CCND2: variants seen among roughly 807,000 people sequenced by gnomAD.
The protein encoded by CCND2 is cyclin D2, also known as G1/S-specific cyclin-D2.
A neutral mutation model predicts 30.2 loss-of-function variants in CCND2; 6 were observed. The ratio of observed to expected loss-of-function variants is 0.20; its 90% CI spans 0.11 to 0.39. CCND2 has a LOEUF of 0.39. Ranked by LOEUF, CCND2 falls within the 10% of genes least tolerant of loss-of-function variation. CCND2 has a pLI of 1.00. For missense variants in CCND2, 235 were observed against 373.4 expected, an observed-to-expected ratio of 0.63 and a Z score of 3.06; for synonymous variants, 150 against 153.1, an observed-to-expected ratio of 0.98 and a Z score of 0.15.
At position 4,274,069 on chromosome 12, in the gene CCND2, C is replaced by T. The variant is rs200897111; in HGVS notation, c.29C>T (p.Pro10Leu). ...GAGCTGCTGTGCCACGAGGTGGACCCGGTCCGCAGGGCCGTGCGGGACCGC... is the reference window on the plus strand; with the variant it reads ...GAGCTGCTGTGCCACGAGGTGGACCTGGTCCGCAGGGCCGTGCGGGACCGC... Reference protein sequence around the residue: MELLCHEVDPVRRAVRDRNL... With the variant: MELLCHEVDLVRRAVRDRNL... Residue 10 changes from proline to leucine, a missense_variant, in exon 1 of 5, where the codon CCG (proline) becomes CTG (leucine). Physicochemically the swap from Pro to Leu is moderately conservative, Grantham distance 98. Coordinates refer to ENST00000261254, the MANE Select transcript of CCND2 (RefSeq NM_001759.4). This position sits in a 1 kb window ranked among gnomAD's most constrained non-coding sequence, Gnocchi z 7.7. 20 of 1,612,692 alleles carry T rather than the reference C, an allele frequency of 1.2e-5. No individual in the cohort carries two copies. In the Admixed American group the frequency reaches 2.0e-4, roughly 16 times the overall value.
chr12:4,297,045 G>A (rs910726238), intron 4 of CCND2, among the ~76,000 whole-genome samples: 3 of 152,152 alleles, frequency 2.0e-5, no homozygotes, highest in African/African-American at 7.2e-5. Flanking sequence ...CTCAAGTGGA[G>A]AAAGGGCTGT....
Position 4,301,265 on chromosome 12 carries a change from C to T in CCND2, c.*1256C>T, listed in dbSNP as rs551992768. 1.1e-4 allele frequency: 25 copies of T among 233,550 alleles called. No individual in the cohort carries two copies. In the South Asian group the frequency reaches 3.8e-3, roughly 35 times the overall value. 14.5% of individuals were successfully genotyped at this position (233,550 alleles called of 1,614,324 possible). The stretch of plus-strand genomic sequence containing the variant: ...AAGGATCTTAATTCCCATCTCTATA[C>T]TTCTCCTTTGGACATGGAAAGAAAA... On this transcript the variant is annotated 3_prime_UTR_variant, in exon 5 of 5. Transcript: ENST00000261254.
At chr12:4,290,142 G>C (rs1219007504) in intron 4 of CCND2, among the ~76,000 whole-genome samples, 2 of 152,192 alleles carry the variant, frequency 1.3e-5, no homozygotes, top group African/African-American at 4.8e-5. Context: ...CGAGGGATAC[G>C]GGACAGGTTA....
In CCND2 at chr12:4,300,145, T is replaced by C. The variant is rs1864228665; in HGVS notation, c.*136T>C. On this transcript the variant is annotated 3_prime_UTR_variant, in exon 5 of 5. Transcript: ENST00000261254. ...CCCCCACCTAGATCATATTTAAAGATCTTTTAGAAGTGAGAGAAAAAGGTC... is the reference window on the plus strand; with the variant it reads ...CCCCCACCTAGATCATATTTAAAGACCTTTTAGAAGTGAGAGAAAAAGGTC... The C allele has an allele frequency of 2.3e-6, 2 of 883,476 alleles. No homozygotes were observed. The highest frequency in any genetic ancestry group is 3.4e-5 in the African/African-American group (2 of 59,472). The allele number at this position is 883,476 out of a possible 1,614,324, so 54.7% of individuals were successfully genotyped here.
chr12:4,301,352 C>CA lies in CCND2; in HGVS notation c.*1343_*1344insA, dbSNP rs1864245578. The stretch of plus-strand genomic sequence containing the variant: ...GGGTGTGGCATTTTGTTCCCTTTTC[C>CA]GTTTTTTTTTTTTTATTGTTGTTGT... On this transcript the variant is annotated 3_prime_UTR_variant, in exon 5 of 5. Transcript: ENST00000261254. The CA allele has an allele frequency of 1.0e-5, 1 of 99,184 alleles. No individual in the cohort carries two copies. The highest frequency in any genetic ancestry group is 1.9e-5 in the Non-Finnish European group (1 of 53,574). 6.1% of individuals were successfully genotyped at this position (99,184 alleles called of 1,614,324 possible). A position where few individuals can be genotyped will look rare whatever the true frequency, so the allele number is the denominator to read the frequency against.
At chr12:4,286,366 G>A (rs1333738975) in intron 3 of CCND2, among the ~76,000 whole-genome samples, 1 of 152,232 alleles carries the variant, frequency 6.6e-6, no homozygotes, top group African/African-American at 2.4e-5. Context: ...GAAAGAGGAA[G>A]TGACTTGCCC....
At chr12:4,275,491 T>G (rs1401095975) in intron 1 of CCND2, 3 of 51,380 alleles carry the variant, frequency 5.8e-5, no homozygotes, top group African/African-American at 1.6e-4. Context: ...CCACCTCTCC[T>G]CACCCGCCCC....
At chr12:4,298,217 T>TA in intron 4 of CCND2, among the ~76,000 whole-genome samples, 1 of 152,344 alleles carries the variant, frequency 6.6e-6, no homozygotes, top group South Asian at 2.1e-4. Context: ...GGGCAGCAGA[T>TA]ACCACCCTTC....
At chr12:4,297,563 T>G (rs1864188316) in intron 4 of CCND2, among the ~76,000 whole-genome samples, 1 of 108,404 alleles carries the variant, frequency 9.2e-6, no homozygotes, top group African/African-American at 3.6e-5. Flanking sequence ...AGAGCAACAC[T>G]CTGTCTCAAA....
chr12:4,297,865 C>CCA (rs771279366), intron 4 of CCND2: 1 of 452,850 alleles, frequency 2.2e-6, no homozygotes, highest in South Asian at 1.6e-5. Flanking sequence ...TCCATTTCAG[C>CCA]CTCGTTCAGG....
At chr12:4,286,179 AC>A (rs1463349016) in intron 3 of CCND2, among the ~76,000 whole-genome samples, 3 of 152,232 alleles carry the variant, frequency 2.0e-5, no homozygotes, top group Non-Finnish European at 4.4e-5. Flanking sequence ...TTAACGACAT[AC>A]GGTGAGCCTG....
chr12:4,277,384 G>T (rs999050704), intron 2 of CCND2, among the ~76,000 whole-genome samples: 45 of 152,164 alleles, frequency 3.0e-4, no homozygotes, highest in Admixed American at 2.8e-3. Context: ...AGTTTATTGG[G>T]GTGCTTTACC....
chr12:4,296,148 C>T (rs190515913), intron 4 of CCND2, among the ~76,000 whole-genome samples: 16 of 152,356 alleles, frequency 1.1e-4, no homozygotes, highest in Admixed American at 5.2e-4. Flanking sequence ...CGAGTTCTTT[C>T]GCTTTCTGGA....
rs1253116106 is a variant in CCND2, at chr12:4,282,985, C to T, written c.571+4066C>T. 2.0e-5 allele frequency among the ~76,000 whole-genome samples: 3 copies of T among 152,192 alleles called. No homozygotes were observed. The highest frequency in any genetic ancestry group is 2.9e-5 in the Non-Finnish European group (2 of 68,020). On this transcript the variant is annotated intron_variant, in intron 3 of 4. Coordinates refer to ENST00000261254, the MANE Select transcript of CCND2 (RefSeq NM_001759.4). The surrounding 1 kb of genome is among the most constrained non-coding windows in gnomAD (Gnocchi z 4.3). ...CCCTTTCTTCTTCAGCGTCAGAGTGCGTATCTCTCTCCCCCTATTGGTGAA... is the reference window on the plus strand; with the variant it reads ...CCCTTTCTTCTTCAGCGTCAGAGTGTGTATCTCTCTCCCCCTATTGGTGAA...
At chr12:4,296,857 A>C (rs747377074) in intron 4 of CCND2, among the ~76,000 whole-genome samples, 4 of 152,224 alleles carry the variant, frequency 2.6e-5, no homozygotes, top group Non-Finnish European at 5.9e-5. Context: ...AGAAAATATC[A>C]ATTTAGACTG....
chr12:4,287,124 C>T lies in CCND2; in HGVS notation c.572-1718C>T, dbSNP rs549885234. ...GTAGGAGGGGCGGGTGGACAGCAGGCGTGGGCGCAGCACCATTATATACGT... is the reference window on the plus strand; with the variant it reads ...GTAGGAGGGGCGGGTGGACAGCAGGTGTGGGCGCAGCACCATTATATACGT... On this transcript the variant is annotated intron_variant, in intron 3 of 4. Coordinates refer to ENST00000261254, the MANE Select transcript of CCND2 (RefSeq NM_001759.4). The surrounding 1 kb of genome is among the most constrained non-coding windows in gnomAD (Gnocchi z 4.0). 4.6e-5 allele frequency among the ~76,000 whole-genome samples: 7 copies of T among 152,224 alleles called. No homozygotes were observed. The highest frequency in any genetic ancestry group is 1.2e-4 in the African/African-American group (5 of 41,546).
In CCND2 at chr12:4,276,692, T is replaced by A. The variant is rs1297511245; in HGVS notation, c.411+472T>A. ...TACAAAGTCTCAAGATACCAACACA[T>A]AATAGCTGTTCACTAAATATCAGTT... On this transcript the variant is annotated intron_variant, in intron 2 of 4. Coordinates refer to ENST00000261254, the MANE Select transcript of CCND2 (RefSeq NM_001759.4). This position sits in a 1 kb window ranked among gnomAD's most constrained non-coding sequence, Gnocchi z 4.8. Among the ~76,000 whole-genome samples the A allele has an allele frequency of 6.6e-6, 1 of 152,192 alleles. No homozygotes were observed. The highest frequency in any genetic ancestry group is 1.5e-5 in the Non-Finnish European group (1 of 68,030).
Position 4,293,815 on chromosome 12 carries a change from T to G in CCND2, c.720+4825T>G, listed in dbSNP as rs1864131548. 6.6e-6 allele frequency among the ~76,000 whole-genome samples: 1 copy of G among 152,174 alleles called. No homozygotes were observed. The highest frequency in any genetic ancestry group is 2.4e-5 in the African/African-American group (1 of 41,438). On this transcript the variant is annotated intron_variant, in intron 4 of 4. Transcript: ENST00000261254. This position sits in a 1 kb window ranked among gnomAD's most constrained non-coding sequence, Gnocchi z 4.9. Reference sequence around the variant, plus strand: ...ATTTTCAAGCCTCCACTGTTACAGATTCTGTCTTCTGTGGACTCTTCAGGG... The same window carrying G: ...ATTTTCAAGCCTCCACTGTTACAGAGTCTGTCTTCTGTGGACTCTTCAGGG...
At chr12:4,292,834 C>T (rs893659601) in intron 4 of CCND2, among the ~76,000 whole-genome samples, 7 of 152,162 alleles carry the variant, frequency 4.6e-5, no homozygotes, top group Admixed American at 6.5e-5. Context: ...CCTGGGTCCC[C>T]GGTGACCATG....
Sources: gnomAD v4.1 joint callset for allele counts (sites outside exome capture counted in the v4.1 genomes callset) on GRCh38, gnomAD v4.1.1 for gene constraint, Gnocchi (gnomAD v3.1) non-coding constraint, MANE v1.5 for transcripts, NCBI Gene and HGNC (gene_info 2026-07-23, HGNC 2026-07-21) for gene names.